DNMBP: variants seen among roughly 807,000 people sequenced by gnomAD.
DNMBP encodes dynamin-binding protein.
A neutral mutation model predicts 150.0 loss-of-function variants in DNMBP; 87 were observed. The ratio of observed to expected loss-of-function variants is 0.58; its 90% CI spans 0.49 to 0.69. The LOEUF (loss-of-function observed/expected upper bound fraction) is 0.69, where lower values mean the gene tolerates loss of function less well. Ranked by LOEUF, DNMBP falls within the 30% of genes least tolerant of loss-of-function variation. The pLI is 0.00. For synonymous variants in DNMBP, 711 were observed against 750.4 expected, an observed-to-expected ratio of 0.95 and a Z score of 0.86; for missense variants, 1,774 against 1,949.0, an observed-to-expected ratio of 0.91 and a Z score of 1.69.
At chr10:99,981,128 T>C (rs553251363) in intron 1 of DNMBP, among the ~76,000 whole-genome samples, 2 of 152,084 alleles carry the variant, frequency 1.3e-5, no homozygotes, top group Non-Finnish European at 2.9e-5. Context: ...TAAAAAAAAA[T>C]TTTAAGGTAT....
intron 4 of DNMBP, among the ~76,000 whole-genome samples, chr10:99,923,720 C>T (rs1224140956): frequency 6.6e-6 from 1 of 152,186 alleles, no homozygotes; most frequent in Non-Finnish European, 1.5e-5. Context: ...TTTGTCACCA[C>T]AACCCTATGT....
intron 1 of DNMBP, among the ~76,000 whole-genome samples, chr10:99,976,659 T>C (rs888933036): frequency 6.6e-6 from 1 of 152,334 alleles, no homozygotes; most frequent in Non-Finnish European, 1.5e-5. Context: ...ATGTTCGTGG[T>C]AGAGTTTTTC....
chr10:99,954,235 G>A (rs1157133726), intron 4 of DNMBP, among the ~76,000 whole-genome samples: 1 of 151,748 alleles, frequency 6.6e-6, no homozygotes, highest in East Asian at 2.0e-4. Context: ...GCAGGGTTTG[G>A]CCCTGTTGCC....
chr10:99,956,640 A>G lies in DNMBP; in HGVS notation c.834T>C (p.Asp278=). The part of the protein sequence containing the change: ...DKIRILATLE[D]GWLEGSLKGR... ...CCTTCAGGGATCCTTCCAGCCAGCCATCTTCCAAGGTCGCCAGAATTCGGA... is the reference window on the plus strand; with the variant it reads ...CCTTCAGGGATCCTTCCAGCCAGCCGTCTTCCAAGGTCGCCAGAATTCGGA... The change falls in exon 4 of 17, where the codon GAT becomes GAC. Residue 278 remains aspartate, a synonymous_variant. Transcript: ENST00000324109. 6.2e-7 allele frequency: 1 copy of G among 1,614,024 alleles called. No homozygotes were observed. Among genetic ancestry groups the G allele is most frequent in the Non-Finnish European group, 8.5e-7 (1 of 1,179,932 alleles).
At chr10:99,916,715 C>T (rs1589416806) in intron 4 of DNMBP, among the ~76,000 whole-genome samples, 1 of 151,816 alleles carries the variant, frequency 6.6e-6, no homozygotes, top group East Asian at 1.9e-4. Context: ...ACCTTATAGC[C>T]CAGAAGCCTG....
At chr10:99,877,681 T>C (rs1434853551) in intron 16 of DNMBP, among the ~76,000 whole-genome samples, 1 of 152,078 alleles carries the variant, frequency 6.6e-6, no homozygotes, top group African/African-American at 2.4e-5. Flanking sequence ...CTGGCCAACA[T>C]GGTGAAACCC....
At chr10:99,913,098 CA>C (rs1317981971) in intron 4 of DNMBP, among the ~76,000 whole-genome samples, 2 of 152,032 alleles carry the variant, frequency 1.3e-5, no homozygotes, top group Admixed American at 6.6e-5. Flanking sequence ...AGTTCAAGAC[CA>C]GCCTGGGCAA....
At chr10:99,896,134 T>C (rs910476159) in intron 10 of DNMBP, 133 bp downstream of exon 10, 3 of 1,000,432 alleles carry the variant, frequency 3.0e-6, no homozygotes, top group Non-Finnish European at 4.4e-6. Flanking sequence ...TGGAGGGCCC[T>C]GTCTCCACCA....
chr10:99,961,992 T>C (rs1210526145), intron 3 of DNMBP, among the ~76,000 whole-genome samples: 1 of 149,830 alleles, frequency 6.7e-6, no homozygotes, highest in Non-Finnish European at 1.5e-5. Context: ...TTTATTGTTA[T>C]GAAGCCGCAT....
intron 11 of DNMBP, chr10:99,889,216 A>C (rs2039519902): frequency 6.8e-6 from 2 of 295,500 alleles, no homozygotes; most frequent in South Asian, 1.3e-4. Flanking sequence ...TGTCCCTAAT[A>C]GGGTTTCTTA....
intron 1 of DNMBP, among the ~76,000 whole-genome samples, chr10:99,985,551 G>GAATATGCTTCCACGA (rs1205608309): frequency 5.3e-5 from 8 of 152,048 alleles, no homozygotes; most frequent in Admixed American, 3.3e-4. Flanking sequence ...TCCTTCAAAA[G>GAATATGCTTCCACGA]AATATGCTTC....
In DNMBP at chr10:99,875,756, T is replaced by C. The variant is rs2039260049; in HGVS notation, c.*1395A>G. ...CAGGATTTTAAGGCTAAATGTGCAC[T>C]TGGAGGAACAGGGGCTGTAAGGCTA... On this transcript the variant is annotated 3_prime_UTR_variant, in exon 17 of 17. Coordinates refer to ENST00000324109, the MANE Select transcript of DNMBP (RefSeq NM_015221.4). The C allele has an allele frequency of 7.7e-6, 1 of 129,150 alleles. No homozygotes were observed. The highest frequency in any genetic ancestry group is 8.0e-5 in the Admixed American group (1 of 12,534). The allele number at this position is 129,150 out of a possible 1,614,324, so 8.0% of individuals were successfully genotyped here.
At chr10:99,949,230 T>C (rs2040393595) in intron 4 of DNMBP, among the ~76,000 whole-genome samples, 1 of 152,170 alleles carries the variant, frequency 6.6e-6, no homozygotes, top group South Asian at 2.1e-4. Flanking sequence ...ACTCCCTTCA[T>C]TAGGTATTTG....
intron 11 of DNMBP, among the ~76,000 whole-genome samples, chr10:99,890,515 A>AG (rs777768286): frequency 1.1e-4 from 16 of 152,238 alleles, no homozygotes; most frequent in Non-Finnish European, 2.1e-4. Flanking sequence ...CTGAGGGCTC[A>AG]GGTATATAGT....
chr10:99,899,621 G>C (rs2039708501), intron 7 of DNMBP, among the ~76,000 whole-genome samples: 1 of 112,844 alleles, frequency 8.9e-6, no homozygotes. Flanking sequence ...GCCTGGGTGA[G>C]AGTGAGACTC....
rs1437144657 is a variant in DNMBP, at chr10:99,877,228, CTG to C, written c.4655_4656del (p.Thr1552ArgfsTer6). 7 of 1,614,000 alleles carry C rather than the reference CTG, an allele frequency of 4.3e-6. No individual in the cohort carries two copies. Among genetic ancestry groups the C allele is most frequent in the African/African-American group, 1.3e-5 (1 of 75,024 alleles). The part of the protein sequence containing the change: ...ILEFKDVTGN[T>X]EWWLAEVNGK... Reference sequence around the variant, plus strand: ...CCGTTAACCTCAGCTAACCACCACTCTGTATTTCCTGTAACATCTTTAAACTC... The same window carrying C: ...CCGTTAACCTCAGCTAACCACCACTCTATTTCCTGTAACATCTTTAAACTC... On this transcript the variant is annotated frameshift_variant, in exon 17 of 17. Coordinates refer to ENST00000324109, the MANE Select transcript of DNMBP (RefSeq NM_015221.4). LOFTEE classifies it high-confidence loss of function.
Position 99,880,146 on chromosome 10 carries a change from C to T in DNMBP, c.4213G>A (p.Asp1405Asn), listed in dbSNP as rs1205982212. 2.5e-6 allele frequency: 4 copies of T among 1,614,108 alleles called. No individual in the cohort carries two copies. The South Asian group carries it at 4.4e-5, about 18-fold the overall frequency. Reference sequence around the variant, plus strand: ...CATTCTTTTGGCGGAGGAGATGCATCTTGAGGCTGCTTCTGGCAAGACCCC... The same window carrying T: ...CATTCTTTTGGCGGAGGAGATGCATTTTGAGGCTGCTTCTGGCAAGACCCC... ...TSGSCQKQPQDASPPPKECDQ... is the reference protein window; with the variant it reads ...TSGSCQKQPQNASPPPKECDQ... The change falls in exon 16 of 17, where the codon GAT (aspartate) becomes AAT (asparagine). Residue 1405 changes from aspartate to asparagine, a missense_variant. Around this residue, in one of 2 missense-constraint regions of DNMBP, gnomAD observed 1,430 missense variants for 1,492.5 expected, o/e 0.96. Coordinates refer to ENST00000324109, the MANE Select transcript of DNMBP (RefSeq NM_015221.4).
rs2039284834 is a variant in DNMBP at position 99,877,034 on chromosome 10, G to T, written c.*117C>A. ...CTGTGGTGTGCTCCACCATGCCATG[G>T]TTAAGCAACGCAGACAGGGCCTGTG... On this transcript the variant is annotated 3_prime_UTR_variant, in exon 17 of 17. Coordinates refer to ENST00000324109, the MANE Select transcript of DNMBP (RefSeq NM_015221.4). 1 of 876,804 alleles carries T rather than the reference G, an allele frequency of 1.1e-6. No homozygotes were observed. The highest frequency in any genetic ancestry group is 1.8e-6 in the Non-Finnish European group (1 of 571,108). The allele number at this position is 876,804 out of a possible 1,614,324, so 54.3% of individuals were successfully genotyped here.
In DNMBP at chr10:99,923,351, A is replaced by G. The variant is rs180713037; in HGVS notation, c.2261-14205T>C. On this transcript the variant is annotated intron_variant, in intron 4 of 16. Coordinates refer to ENST00000324109, the MANE Select transcript of DNMBP (RefSeq NM_015221.4). ...CAGTGCGCTGAGATCACACCACTGT[A>G]CTGCAGCCTGGTCAAAAGAGTGAGA... is the stretch of plus-strand genomic sequence containing the variant. Among the ~76,000 whole-genome samples, 331 of 152,086 alleles carry G rather than the reference A, an allele frequency of 2.2e-3. 1 individual carries two copies. The highest frequency in any genetic ancestry group is 3.1e-3 in the Non-Finnish European group (214 of 67,974).
Sources: gnomAD v4.1 joint callset for allele counts (sites outside exome capture counted in the v4.1 genomes callset) on GRCh38, gnomAD v4.1.1 for gene constraint, gnomAD v4.1.1 regional missense constraint, MANE v1.5 for transcripts, NCBI Gene and HGNC (gene_info 2026-07-23, HGNC 2026-07-21) for gene names.